Variants in CSTF1 observed in about 807,000 individuals in gnomAD.
The protein encoded by CSTF1 is cleavage stimulation factor subunit 1.
CSTF1 carries 2 observed loss-of-function variants against 40.9 expected under a neutral mutation model. The ratio of observed to expected loss-of-function variants is 0.05; its 90% CI spans 0.02 to 0.15. CSTF1 has a LOEUF of 0.15. Among genes scored for constraint, CSTF1 ranks in the 10% least tolerant of loss-of-function variants. CSTF1 has a pLI of 1.00. For missense variants in CSTF1, 279 were observed against 558.9 expected (o/e 0.50, Z 5.05); for synonymous variants, 218 against 207.2 (o/e 1.05, Z -0.45).
chr20:56,393,413 A>G (rs1987378871), intron 1 of CSTF1, among the ~76,000 whole-genome samples: 2 of 152,104 alleles, frequency 1.3e-5, no homozygotes, highest in Non-Finnish European at 1.5e-5. Flanking sequence ...CCCAACGTTA[A>G]CAGTAGAATC....
At chr20:56,393,172 G>GTC (rs1987356138) in intron 1 of CSTF1, among the ~76,000 whole-genome samples, 1 of 128,618 alleles carries the variant, frequency 7.8e-6, no homozygotes, top group African/African-American at 2.6e-5. Context: ...ACACACATAT[G>GTC]TGTGTGTGTG....
rs1418321882 is a variant in CSTF1 at position 56,397,239 on chromosome 20, G to A, written c.202G>A (p.Ala68Thr). 6.2e-7 allele frequency: 1 copy of A among 1,614,164 alleles called. No homozygotes were observed. The highest frequency in any genetic ancestry group is 8.5e-7 in the Non-Finnish European group (1 of 1,180,024). ...AAACGATGACACCGCAGTTCAGTATGCAATTGGTCGTTCAGATACTGTTGC... is the reference window on the plus strand; with the variant it reads ...AAACGATGACACCGCAGTTCAGTATACAATTGGTCGTTCAGATACTGTTGC... ...MENDDTAVQY[A>T]IGRSDTVAPG... is the part of the protein sequence containing the mutation. Residue 68 changes from alanine to threonine, a missense_variant, in exon 3 of 6, where the codon GCA becomes ACA. Coordinates refer to ENST00000217109, the MANE Select transcript of CSTF1 (RefSeq NM_001324.3). This position sits in a 1 kb window ranked among gnomAD's most constrained non-coding sequence, Gnocchi z 4.4.
At chr20:56,401,056 ATAAT>A (rs1415552209) in intron 5 of CSTF1, among the ~76,000 whole-genome samples, 1 of 152,186 alleles carries the variant, frequency 6.6e-6, no homozygotes, top group African/African-American at 2.4e-5. Flanking sequence ...GATAATAATA[ATAAT>A]TAGTTAGAAT....
chr20:56,396,569 C>T (rs866715300), intron 2 of CSTF1, among the ~76,000 whole-genome samples: 5 of 152,004 alleles, frequency 3.3e-5, no homozygotes, highest in Admixed American at 2.6e-4. Context: ...CAGCCGTGCA[C>T]GGGGAAGGAT....
In CSTF1 at chr20:56,405,570, C is replaced by G. The variant is rs1382531870; in HGVS notation, c.*1843C>G. 1 of 152,200 alleles carries G rather than the reference C, an allele frequency of 6.6e-6. No homozygotes were observed. Among genetic ancestry groups the G allele is most frequent in the Non-Finnish European group, 1.5e-5 (1 of 68,038 alleles). 9.4% of individuals were successfully genotyped at this position (152,200 alleles called of 1,614,324 possible). A position where few individuals can be genotyped will look rare whatever the true frequency, so the allele number is the denominator to read the frequency against. On this transcript the variant is annotated 3_prime_UTR_variant, in exon 6 of 6. Transcript: ENST00000217109. ...TTCTGTTTTAGTCATCCTTGAGGAT[C>G]GTTTTAACTCCTTGATCTGTAAAAC... is the stretch of plus-strand genomic sequence containing the variant.
intron 5 of CSTF1, among the ~76,000 whole-genome samples, chr20:56,401,762 C>G (rs1169326333): frequency 6.6e-6 from 1 of 152,182 alleles, no homozygotes; most frequent in Non-Finnish European, 1.5e-5. Context: ...ACTCCAGAGC[C>G]TCCTTTGCAT....
chr20:56,392,906 C>G (rs960411314), intron 1 of CSTF1, 193 bp downstream of exon 1: 3 of 152,192 alleles, frequency 2.0e-5, no homozygotes, highest in Admixed American at 6.5e-5. Context: ...CCATTCCCAC[C>G]CAGTCCTTAG....
In CSTF1 at chr20:56,397,554, T is replaced by C. The variant is rs1326651099; in HGVS notation, c.447+70T>C. 19 of 1,599,910 alleles carry C rather than the reference T, an allele frequency of 1.2e-5. No individual in the cohort carries two copies. Among genetic ancestry groups the C allele is most frequent in the Non-Finnish European group, 1.6e-5 (19 of 1,169,582 alleles). On this transcript the variant is annotated intron_variant, in intron 3 of 5. Coordinates refer to ENST00000217109, the MANE Select transcript of CSTF1 (RefSeq NM_001324.3). The surrounding 1 kb of genome is among the most constrained non-coding windows in gnomAD (Gnocchi z 4.4). ...ATTTTTGGAAAAATGAGAGTATGGT[T>C]GAAACCAGCTTTAGTTTGCTACAGT...
intron 2 of CSTF1, chr20:56,395,956 A>G (rs1987507025): frequency 2.3e-6 from 1 of 430,690 alleles, no homozygotes; most frequent in Non-Finnish European, 4.1e-6. Context: ...TGTACACATT[A>G]TCTGGAACAC....
rs575149490 is a variant in CSTF1 at position 56,397,023 on chromosome 20, G to A, written c.170-184G>A. Reference sequence around the variant, plus strand: ...CCAGCAACCCATGTGGCCTCACAGCGTGGTGAACTTTGAATAGCATGGGCA... The same window carrying A: ...CCAGCAACCCATGTGGCCTCACAGCATGGTGAACTTTGAATAGCATGGGCA... On this transcript the variant is annotated intron_variant, in intron 2 of 5. Transcript: ENST00000217109. The surrounding 1 kb of genome is among the most constrained non-coding windows in gnomAD (Gnocchi z 4.4). The A allele has an allele frequency of 1.0e-4, 62 of 621,506 alleles. No individual in the cohort carries two copies. Among genetic ancestry groups the A allele is most frequent in the African/African-American group, 1.3e-4 (7 of 54,200 alleles). The allele number at this position is 621,506 out of a possible 1,614,324, so 38.5% of individuals were successfully genotyped here.
chr20:56,398,614 C>T (rs1978330690), intron 4 of CSTF1, among the ~76,000 whole-genome samples: 3 of 152,124 alleles, frequency 2.0e-5, no homozygotes, highest in African/African-American at 7.2e-5. Context: ...ATATTTGCAG[C>T]CCTAGAGCAA....
In CSTF1 at chr20:56,399,462, C is replaced by A; in HGVS notation, c.1036+105C>A. On this transcript the variant is annotated intron_variant, in intron 5 of 5. Coordinates refer to ENST00000217109, the MANE Select transcript of CSTF1 (RefSeq NM_001324.3). The surrounding 1 kb of genome is among the most constrained non-coding windows in gnomAD (Gnocchi z 4.6). ...AGCAACACAATATCTATGCATTGAG[C>A]AAGGCAGATGTTACCCTTTCTTAGA... 2.9e-6 allele frequency: 3 copies of A among 1,040,900 alleles called. No homozygotes were observed. Among genetic ancestry groups the A allele is most frequent in the Non-Finnish European group, 4.2e-6 (3 of 714,872 alleles). The allele number at this position is 1,040,900 out of a possible 1,614,324, so 64.5% of individuals were successfully genotyped here. A position where few individuals can be genotyped will look rare whatever the true frequency, so the allele number is the denominator to read the frequency against.
intron 2 of CSTF1, among the ~76,000 whole-genome samples, chr20:56,396,657 TCATC>T (rs1347987301): frequency 2.0e-5 from 3 of 152,242 alleles, no homozygotes; most frequent in Non-Finnish European, 2.9e-5. Flanking sequence ...ATTTTCTTGT[TCATC>T]CATAGTGTTA....
At chr20:56,398,807 C>A (rs565406114) in intron 4 of CSTF1, among the ~76,000 whole-genome samples, 160 bp from the exon 5 acceptor site, 1 of 152,120 alleles carries the variant, frequency 6.6e-6, no homozygotes, top group Non-Finnish European at 1.5e-5. Context: ...TCAAAAAATA[C>A]TTTCATATGT....
At position 56,397,364 on chromosome 20, in the gene CSTF1, A is replaced by G. The variant is rs6024849; in HGVS notation, c.327A>G (p.Gly109=). The G allele has an allele frequency of 4.9e-4, 785 of 1,614,214 alleles. 3 individuals carry two copies. The African/African-American group carries it at 9.7e-3, about 20-fold the overall frequency. The change falls in exon 3 of 6, where the codon GGA becomes GGG. Residue 109 remains glycine (G), a synonymous_variant. Coordinates refer to ENST00000217109, the MANE Select transcript of CSTF1 (RefSeq NM_001324.3). This position sits in a 1 kb window ranked among gnomAD's most constrained non-coding sequence, Gnocchi z 4.4. ...YETCYVTSHK[G]PCRVATYSRD... ...CATGCTATGTCACATCACATAAAGGACCATGCCGTGTAGCTACCTATAGTA... is the reference window on the plus strand; with the variant it reads ...CATGCTATGTCACATCACATAAAGGGCCATGCCGTGTAGCTACCTATAGTA...
Position 56,397,790 on chromosome 20 carries a change from A to G in CSTF1, c.594A>G (p.Lys198=), listed in dbSNP as rs2146244616. The change falls in exon 4 of 6, where the codon AAA becomes AAG. Residue 198 remains lysine (K), a synonymous_variant. Coordinates refer to ENST00000217109, the MANE Select transcript of CSTF1 (RefSeq NM_001324.3). This position sits in a 1 kb window ranked among gnomAD's most constrained non-coding sequence, Gnocchi z 4.4. ...CTGGTTCAAGGGATTATACTCTTAAATTATTTGATTATTCCAAACCATCAG... is the reference window on the plus strand; with the variant it reads ...CTGGTTCAAGGGATTATACTCTTAAGTTATTTGATTATTCCAAACCATCAG... ...LASGSRDYTL[K]LFDYSKPSAK... The G allele has an allele frequency of 6.2e-7, 1 of 1,614,194 alleles. No individual in the cohort carries two copies. Among genetic ancestry groups the G allele is most frequent in the East Asian group, 2.2e-5 (1 of 44,890 alleles).
chr20:56,400,422 A>G (rs1281426301), intron 5 of CSTF1, among the ~76,000 whole-genome samples: 1 of 152,180 alleles, frequency 6.6e-6, no homozygotes, highest in East Asian at 1.9e-4. Context: ...TTTGTTGCAA[A>G]AAGAAGATAA....
In CSTF1 at chr20:56,397,947, C is replaced by A; in HGVS notation, c.645+106C>A. The A allele has an allele frequency of 2.2e-6, 2 of 901,688 alleles. No homozygotes were observed. The highest frequency in any genetic ancestry group is 1.7e-6 in the Non-Finnish European group (1 of 592,066). 55.9% of individuals were successfully genotyped at this position (901,688 alleles called of 1,614,324 possible). A position where few individuals can be genotyped will look rare whatever the true frequency, so the allele number is the denominator to read the frequency against. On this transcript the variant is annotated intron_variant, in intron 4 of 5. Transcript: ENST00000217109. This position sits in a 1 kb window ranked among gnomAD's most constrained non-coding sequence, Gnocchi z 4.4. ...GTCTCAGTGATCATCCTGTAAGATGCGTACAGACCAGGATGCATGCCCGAT... is the reference window on the plus strand; with the variant it reads ...GTCTCAGTGATCATCCTGTAAGATGAGTACAGACCAGGATGCATGCCCGAT...
In CSTF1 at chr20:56,399,047, C is replaced by T. The variant is rs371129354; in HGVS notation, c.726C>T (p.Arg242=). The part of the protein sequence containing the change: ...ILVGTQHPTL[R]LYDINTFQCF... ...TCGGAACTCAGCATCCTACTCTTCG[C>T]CTTTATGATATCAACACCTTTCAAT... is the stretch of plus-strand genomic sequence containing the variant. The change falls in exon 5 of 6, where the codon CGC becomes CGT. Residue 242 remains arginine, a synonymous_variant. Coordinates refer to ENST00000217109, the MANE Select transcript of CSTF1 (RefSeq NM_001324.3). The surrounding 1 kb of genome is among the most constrained non-coding windows in gnomAD (Gnocchi z 4.6). 2.0e-5 allele frequency: 33 copies of T among 1,614,134 alleles called. No homozygotes were observed. In the African/African-American group the frequency reaches 3.6e-4, roughly 18 times the overall value.
Sources: gnomAD v4.1 joint callset for allele counts (sites outside exome capture counted in the v4.1 genomes callset) on GRCh38, gnomAD v4.1.1 for gene constraint, Gnocchi (gnomAD v3.1) non-coding constraint, MANE v1.5 for transcripts, NCBI Gene and HGNC (gene_info 2026-07-23, HGNC 2026-07-21) for gene names.